CSNK1G1: variants seen among roughly 807,000 people sequenced by gnomAD.
The protein encoded by CSNK1G1 is casein kinase I isoform gamma-1.
In CSNK1G1, 22 loss-of-function variants were observed where a neutral mutation model predicts 59.6. The ratio of observed to expected loss-of-function variants is 0.37; its 90% CI spans 0.26 to 0.53. The LOEUF is 0.53. CSNK1G1 is among the 20% of genes least tolerant of loss of function. The probability of loss-of-function intolerance (pLI) is 0.89; values close to 1 mark genes in which losing one functional copy is unlikely to be tolerated. For missense variants in CSNK1G1, 384 were observed against 519.5 expected, an observed-to-expected ratio of 0.74 and a Z score of 2.54; for synonymous variants, 179 against 177.1, an observed-to-expected ratio of 1.01 and a Z score of -0.08.
At chr15:64,207,889 T>C (rs2082203859) in intron 6 of CSNK1G1, among the ~76,000 whole-genome samples, 1 of 152,180 alleles carries the variant, frequency 6.6e-6, no homozygotes. Context: ...TGCTGTCACC[T>C]TCCTGAAAGT....
At chr15:64,221,551 T>C (rs1437183184) in intron 4 of CSNK1G1, among the ~76,000 whole-genome samples, 2 of 151,874 alleles carry the variant, frequency 1.3e-5, no homozygotes, top group Non-Finnish European at 2.9e-5. Context: ...TCTAGACCAC[T>C]GAGTGGTTTT....
Position 64,171,796 on chromosome 15 carries a change from G to A in CSNK1G1, c.*135C>T. 2.5e-6 allele frequency: 2 copies of A among 789,366 alleles called. No individual in the cohort carries two copies. Among genetic ancestry groups the A allele is most frequent in the South Asian group, 3.0e-5 (2 of 67,096 alleles). 48.9% of individuals were successfully genotyped at this position (789,366 alleles called of 1,614,324 possible). ...CTGCCCGCACTGGCCCCTTCTGGGG[G>A]CATCTGTTTTCTTCTTTTTGGTTTG... On this transcript the variant is annotated 3_prime_UTR_variant, in exon 12 of 12. Transcript: ENST00000303052. This position sits in a 1 kb window ranked among gnomAD's most constrained non-coding sequence, Gnocchi z 4.8.
At chr15:64,248,558 G>A (rs756063469) in intron 4 of CSNK1G1, among the ~76,000 whole-genome samples, 14 of 152,116 alleles carry the variant, frequency 9.2e-5, no homozygotes, top group Non-Finnish European at 1.8e-4. Flanking sequence ...CTTATGGCAG[G>A]GAGTGGGGAG....
chr15:64,207,639 G>T, intron 6 of CSNK1G1, 45 bp from the exon 7 acceptor site: 1 of 1,478,526 alleles, frequency 6.8e-7, no homozygotes, highest in Non-Finnish European at 9.5e-7. Flanking sequence ...AGTTATTAAA[G>T]CAGAAAGAGG....
At chr15:64,277,325 G>T (rs1459145226) in intron 2 of CSNK1G1, among the ~76,000 whole-genome samples, 1 of 151,684 alleles carries the variant, frequency 6.6e-6, no homozygotes, top group Non-Finnish European at 1.5e-5. Flanking sequence ...AATTAGCCAG[G>T]CATTGTGGTG....
At chr15:64,230,916 G>A (rs2082539360) in intron 4 of CSNK1G1, among the ~76,000 whole-genome samples, 1 of 152,154 alleles carries the variant, frequency 6.6e-6, no homozygotes. Context: ...AGAGGTTGCA[G>A]TGAGCCGAGA....
chr15:64,197,523 G>A (rs1296375938), intron 10 of CSNK1G1, among the ~76,000 whole-genome samples: 2 of 152,154 alleles, frequency 1.3e-5, no homozygotes, highest in African/African-American at 4.8e-5. Flanking sequence ...CAACAGCTTT[G>A]ACTCTTCCTT....
At chr15:64,280,519 C>G (rs1223787959) in intron 2 of CSNK1G1, among the ~76,000 whole-genome samples, 1 of 151,928 alleles carries the variant, frequency 6.6e-6, no homozygotes, top group Non-Finnish European at 1.5e-5. Flanking sequence ...ATAAAAATAG[C>G]CCGGCTAATT....
At chr15:64,315,758 C>T (rs1896232487) in intron 1 of CSNK1G1, 1 of 152,150 alleles carries the variant, frequency 6.6e-6, no homozygotes, top group South Asian at 2.1e-4. Context: ...CCTCCTGAAA[C>T]AATTTTTTTT....
At chr15:64,239,453 G>T (rs979326145) in intron 4 of CSNK1G1, among the ~76,000 whole-genome samples, 4 of 152,054 alleles carry the variant, frequency 2.6e-5, no homozygotes, top group African/African-American at 9.7e-5. Context: ...ATGGCTCACT[G>T]CAACCTCAAC....
At chr15:64,303,186 T>A (rs1323803078) in intron 1 of CSNK1G1, among the ~76,000 whole-genome samples, 3 of 146,732 alleles carry the variant, frequency 2.0e-5, no homozygotes, top group Admixed American at 7.0e-5. Flanking sequence ...GCTATTATCA[T>A]GCCAGTAAAT....
chr15:64,271,128 C>T (rs971402601), intron 2 of CSNK1G1, among the ~76,000 whole-genome samples: 1 of 151,908 alleles, frequency 6.6e-6, no homozygotes, highest in Non-Finnish European at 1.5e-5. Flanking sequence ...GCTGGGACTA[C>T]AGGCATGTAC....
At chr15:64,222,244 G>C (rs2082397054) in intron 4 of CSNK1G1, among the ~76,000 whole-genome samples, 1 of 149,770 alleles carries the variant, frequency 6.7e-6, no homozygotes. Flanking sequence ...CATGGACACA[G>C]AGAGGGGAAC....
At chr15:64,327,615 G>A (rs557889159) in intron 1 of CSNK1G1, among the ~76,000 whole-genome samples, 5,885 of 150,250 alleles carry the variant, frequency 0.039, 360 homozygotes, top group African/African-American at 0.14. Flanking sequence ...AACGCAGAGC[G>A]CCTCTCCTCC....
Position 64,166,537 on chromosome 15 carries a change from C to G in CSNK1G1, c.*5394G>C, listed in dbSNP as rs559615254. 6.5e-6 allele frequency: 1 copy of G among 152,866 alleles called. No individual in the cohort carries two copies. The highest frequency in any genetic ancestry group is 2.4e-5 in the African/African-American group (1 of 41,462). The allele number at this position is 152,866 out of a possible 1,614,324, so 9.5% of individuals were successfully genotyped here. On this transcript the variant is annotated 3_prime_UTR_variant, in exon 12 of 12. Coordinates refer to ENST00000303052, the MANE Select transcript of CSNK1G1 (RefSeq NM_022048.5). The surrounding 1 kb of genome is among the most constrained non-coding windows in gnomAD (Gnocchi z 4.5). ...AGTGAAATGCACATAGATGAACACA[C>G]GCACTCACGTGCGCACACACACCAC...
chr15:64,235,175 T>C (rs1463580933), intron 4 of CSNK1G1, among the ~76,000 whole-genome samples: 1 of 152,210 alleles, frequency 6.6e-6, no homozygotes, highest in East Asian at 1.9e-4. Context: ...AATCCCTAGA[T>C]AGGCCTGTAT....
intron 4 of CSNK1G1, among the ~76,000 whole-genome samples, chr15:64,232,992 T>C (rs1052773244): frequency 6.6e-6 from 1 of 152,220 alleles, no homozygotes; most frequent in African/African-American, 2.4e-5. Context: ...GCATAAGCAC[T>C]ATATTGATTT....
At chr15:64,286,320 GATATTGTTAACATGTTATTGTTAACA>G (rs566866724) in intron 2 of CSNK1G1, among the ~76,000 whole-genome samples, 52 of 137,884 alleles carry the variant, frequency 3.8e-4, no homozygotes, top group South Asian at 1.9e-3. Context: ...CCACTCTGCT[GATATTGTTAACATGTTATTGTTAACA>G]ATATTGTTAA....
At chr15:64,274,009 TAA>T (rs1471164317) in intron 2 of CSNK1G1, among the ~76,000 whole-genome samples, 1 of 152,242 alleles carries the variant, frequency 6.6e-6, no homozygotes, top group African/African-American at 2.4e-5. Flanking sequence ...CACATGTATA[TAA>T]AAGAGTATAA....
Sources: gnomAD v4.1 joint callset for allele counts (sites outside exome capture counted in the v4.1 genomes callset) on GRCh38, gnomAD v4.1.1 for gene constraint, Gnocchi (gnomAD v3.1) non-coding constraint, MANE v1.5 for transcripts, NCBI Gene and HGNC (gene_info 2026-07-23, HGNC 2026-07-21) for gene names.